The following ADCY7 variants were observed in gnomAD, a reference collection of about 807,000 sequenced individuals.
The protein encoded by ADCY7 is adenylate cyclase type 7.
ADCY7 carries 72 observed loss-of-function variants against 120.6 expected under a neutral mutation model. The ratio of observed to expected loss-of-function variants is 0.60; its 90% CI spans 0.49 to 0.73. The LOEUF is 0.73. ADCY7 is among the 30% of genes least tolerant of loss of function. The pLI, the probability that ADCY7 is intolerant of heterozygous loss-of-function variation, is 0.00. For synonymous variants in ADCY7, 661 were observed against 628.0 expected (o/e 1.05, Z -0.78); for missense variants, 1,227 against 1,486.0 (o/e 0.83, Z 2.87).
At chr16:50,312,804 C>A in intron 21 of ADCY7, 86 bp from the exon 22 acceptor site, 3 of 1,362,582 alleles carry the variant, frequency 2.2e-6, no homozygotes, top group South Asian at 1.2e-5. Context: ...GGCAGTTCAG[C>A]AGTGCCATCT....
intron 1 of ADCY7, among the ~76,000 whole-genome samples, chr16:50,251,369 C>T (rs965705355): frequency 1.3e-5 from 2 of 152,156 alleles, no homozygotes; most frequent in South Asian, 2.1e-4. Context: ...TTGTTGCTGC[C>T]GCTTTTTGTT....
intron 1 of ADCY7, among the ~76,000 whole-genome samples, chr16:50,276,553 CAG>C (rs1339190545): frequency 1.3e-4 from 20 of 152,318 alleles, no homozygotes; most frequent in African/African-American, 4.6e-4. Context: ...AACTGAGGCA[CAG>C]AGAGTCTGTT....
At chr16:50,293,634 G>T in intron 6 of ADCY7, 132 bp downstream of exon 6, 1 of 1,166,272 alleles carries the variant, frequency 8.6e-7, no homozygotes, top group Non-Finnish European at 1.2e-6. Flanking sequence ...AGGGCCCCAT[G>T]GTTCCAGGTC....
intron 1 of ADCY7, 56 bp downstream of exon 1, chr16:50,266,736 G>C (rs2033237880): frequency 6.6e-6 from 1 of 152,510 alleles, no homozygotes; most frequent in African/African-American, 2.4e-5. Context: ...TGAGCCCCAG[G>C]GGACGGGGCT....
chr16:50,313,095 C>T (rs371669328), intron 22 of ADCY7, 59 bp downstream of exon 22: 16 of 1,597,800 alleles, frequency 1.0e-5, no homozygotes, highest in Admixed American at 6.8e-5. Flanking sequence ...GAGGGAAGGG[C>T]GGTGGCACCT....
intron 1 of ADCY7, among the ~76,000 whole-genome samples, chr16:50,286,445 A>AAG (rs1555519812): frequency 1.3e-5 from 2 of 150,398 alleles, no homozygotes; most frequent in East Asian, 2.0e-4. Flanking sequence ...AAAAAAAAAA[A>AAG]AGAGAGAAAG....
chr16:50,246,808 AC>A (rs1186312878), intron 1 of ADCY7, among the ~76,000 whole-genome samples: 2 of 152,048 alleles, frequency 1.3e-5, no homozygotes, highest in East Asian at 3.9e-4. Context: ...ATGGGAGCCG[AC>A]CCCGGGTAGG....
intron 4 of ADCY7, 119 bp downstream of exon 4, chr16:50,292,016 C>CCGCT: frequency 8.6e-7 from 1 of 1,157,294 alleles, no homozygotes; most frequent in Non-Finnish European, 1.2e-6. Context: ...TGCAGACAGC[C>CCGCT]CGCTCCAAGG....
intron 2 of ADCY7, chr16:50,289,398 A>C (rs894145857): frequency 4.5e-5 from 18 of 403,686 alleles, no homozygotes; most frequent in Middle Eastern, 3.5e-4. Flanking sequence ...CGGCCCAGGC[A>C]CTTGCCTTGG....
At chr16:50,295,934 A>C (rs930158413) in intron 7 of ADCY7, among the ~76,000 whole-genome samples, 1 of 152,236 alleles carries the variant, frequency 6.6e-6, no homozygotes, top group Non-Finnish European at 1.5e-5. Flanking sequence ...AGTGGTGGCC[A>C]TTAAATAGAG....
At chr16:50,269,469 G>C (rs1427895358) in intron 1 of ADCY7, among the ~76,000 whole-genome samples, 1 of 152,220 alleles carries the variant, frequency 6.6e-6, no homozygotes, top group Non-Finnish European at 1.5e-5. Context: ...CCTGGACTTC[G>C]CTGGGCCCAC....
In ADCY7 at chr16:50,293,470, C is replaced by T; in HGVS notation, c.804C>T (p.His268=). The T allele has an allele frequency of 6.2e-7, 1 of 1,614,058 alleles. No homozygotes were observed. The highest frequency in any genetic ancestry group is 1.7e-5 in the Admixed American group (1 of 60,028). The change falls in exon 6 of 26, where the codon CAC becomes CAT. Residue 268 remains histidine (H), a synonymous_variant. Transcript: ENST00000673801. The part of the protein sequence containing the change: ...DRRCMPDNNF[H]SLYVKRHQNV... ...GCTGCATGCCTGACAACAACTTCCA[C>T]AGCCTCTACGTCAAGAGGCACCAGA...
chr16:50,314,149 C>G (rs373250354), intron 23 of ADCY7, 87 bp downstream of exon 23: 3 of 1,443,932 alleles, frequency 2.1e-6, no homozygotes, highest in Non-Finnish European at 2.9e-6. Context: ...GCCCTTATCT[C>G]GTCCTGGGGG....
At chr16:50,303,491 G>A (rs1228647702) in intron 10 of ADCY7, among the ~76,000 whole-genome samples, 1 of 152,188 alleles carries the variant, frequency 6.6e-6, no homozygotes, top group Non-Finnish European at 1.5e-5. Context: ...CAGCAGACCT[G>A]GAGCCCGCTT....
chr16:50,312,260 G>A (rs903146658), intron 21 of ADCY7, 69 bp downstream of exon 21: 22 of 1,565,966 alleles, frequency 1.4e-5, no homozygotes, highest in South Asian at 2.3e-5. Context: ...TAGGGTGAAG[G>A]TGTGGAGCTG....
chr16:50,248,190 G>A (rs550385772), intron 1 of ADCY7, among the ~76,000 whole-genome samples: 1 of 152,120 alleles, frequency 6.6e-6, no homozygotes, highest in Non-Finnish European at 1.5e-5. Context: ...GTGAGTGCCC[G>A]ACCACGGGCA....
intron 2 of ADCY7, 75 bp from the exon 3 acceptor site, chr16:50,290,382 C>A: frequency 6.5e-7 from 1 of 1,546,632 alleles, no homozygotes; most frequent in Non-Finnish European, 8.9e-7. Flanking sequence ...AGGCAGCCGG[C>A]CCGGCAGGCT....
Position 50,304,928 on chromosome 16 carries a change from G to C in ADCY7, c.1564G>C (p.Val522Leu). ...CCTTTCCTCCCTTCCCTTTCAGAGC[G>C]TTCCCCAGCGCCACCGCCGGACCCC... ...HVPNGRRPKSVPQRHRRTPDR... is the reference protein window; with the variant it reads ...HVPNGRRPKSLPQRHRRTPDR... Residue 522 changes from valine to leucine, a missense_variant, in exon 12 of 26, where the codon GTT becomes CTT. Val to Leu is a conservative substitution (Grantham distance 32). Around this residue, in one of 5 missense-constraint regions of ADCY7, gnomAD observed 332 missense variants for 455.8 expected, o/e 0.73. Transcript: ENST00000673801. 1 of 1,613,538 alleles carries C rather than the reference G, an allele frequency of 6.2e-7. No homozygotes were observed. The highest frequency in any genetic ancestry group is 8.5e-7 in the Non-Finnish European group (1 of 1,179,992).
chr16:50,247,694 T>C (rs2032634214), intron 1 of ADCY7, among the ~76,000 whole-genome samples: 1 of 152,064 alleles, frequency 6.6e-6, no homozygotes, highest in Admixed American at 6.6e-5. Context: ...TTTCTTTCTT[T>C]CTTTTTGACT....
Sources: allele counts gnomAD v4.1 joint callset (sites outside exome capture counted in the v4.1 genomes callset), GRCh38; gene constraint gnomAD v4.1.1; regional missense constraint gnomAD v4.1.1; transcripts MANE v1.5; gene names NCBI Gene and HGNC (gene_info 2026-07-23, HGNC 2026-07-21).